Variants in EXOC4 observed in about 807,000 individuals in gnomAD.
EXOC4 encodes SEC8-like 1.
Under a neutral mutation model 107.2 loss-of-function variants are expected in EXOC4, and 71 were observed. The ratio of observed to expected loss-of-function variants is 0.66; its 90% CI spans 0.55 to 0.81. The LOEUF is 0.81. EXOC4 is among the 30% of genes least tolerant of loss of function. EXOC4 has a pLI of 0.00. For synonymous variants in EXOC4, 456 were observed against 441.2 expected (o/e 1.03, Z -0.42); for missense variants, 1,108 against 1,189.6 (o/e 0.93, Z 1.01).
intron 2 of EXOC4, among the ~76,000 whole-genome samples, chr7:133,278,975 C>G (rs897476537): frequency 6.6e-6 from 1 of 151,840 alleles, no homozygotes; most frequent in Non-Finnish European, 1.5e-5. Context: ...CCCACTCCCC[C>G]CACCCCACAA....
chr7:134,007,658 A>G lies in EXOC4; in HGVS notation c.2528-18A>G. On this transcript the variant is annotated intron_variant, in intron 16 of 17. Transcript: ENST00000253861. ...CTGTCATCCGTTTTCTTTGCCCCGC[A>G]CTGTGCTGACCCCTCAGGCCTGGGC... The G allele has an allele frequency of 1.3e-6, 2 of 1,596,212 alleles. No homozygotes were observed. The highest frequency in any genetic ancestry group is 1.7e-6 in the Non-Finnish European group (2 of 1,171,928).
rs181572579 is a variant in EXOC4 at position 133,434,204 on chromosome 7, C to T, written c.1183-41124C>T. Among the ~76,000 whole-genome samples the T allele has an allele frequency of 3.3e-3, 499 of 152,176 alleles. 1 individual carries two copies. Among genetic ancestry groups the T allele is most frequent in the Middle Eastern group, 6.8e-3 (2 of 294 alleles). On this transcript the variant is annotated intron_variant, in intron 7 of 17. Coordinates refer to ENST00000253861, the MANE Select transcript of EXOC4 (RefSeq NM_021807.4). ...GAGACTGGAGGCTGTGTGCATGAGA[C>T]CTCCCTAAAGCAGAGGTTTCAGAAA...
intron 11 of EXOC4, among the ~76,000 whole-genome samples, chr7:133,829,172 G>A (rs915466853): frequency 7.9e-5 from 12 of 152,204 alleles, no homozygotes; most frequent in Admixed American, 3.9e-4. Flanking sequence ...TCTTGAGACA[G>A]TGAGAGTCTA....
chr7:133,896,570 A>T (rs1799313713), intron 12 of EXOC4, among the ~76,000 whole-genome samples: 1 of 152,032 alleles, frequency 6.6e-6, no homozygotes, highest in Admixed American at 6.6e-5. Flanking sequence ...TGCTGGACTC[A>T]TGAAATTTAC....
chr7:133,703,272 C>G (rs1657710581), intron 10 of EXOC4, among the ~76,000 whole-genome samples: 1 of 152,214 alleles, frequency 6.6e-6, no homozygotes, highest in Non-Finnish European at 1.5e-5. Context: ...TTTTGAATAT[C>G]TTCCACAACC....
intron 10 of EXOC4, among the ~76,000 whole-genome samples, chr7:133,814,698 C>G (rs1053543897): frequency 6.6e-6 from 1 of 152,126 alleles, no homozygotes; most frequent in African/African-American, 2.4e-5. Context: ...TGTTTTCAAA[C>G]TTTTGGAACT....
At chr7:133,465,915 C>T (rs1047024077) in intron 7 of EXOC4, among the ~76,000 whole-genome samples, 1 of 152,056 alleles carries the variant, frequency 6.6e-6, no homozygotes, top group African/African-American at 2.4e-5. Context: ...GTGGGTGGAT[C>T]ACCAGAGGTC....
At chr7:133,356,608 C>G in intron 6 of EXOC4, 35 bp downstream of exon 6, 2 of 1,608,370 alleles carry the variant, frequency 1.2e-6, no homozygotes, top group Non-Finnish European at 1.7e-6. Context: ...TTTGACAACT[C>G]TATTTATTGC....
At chr7:133,582,732 A>G (rs1271921151) in intron 9 of EXOC4, among the ~76,000 whole-genome samples, 4 of 152,224 alleles carry the variant, frequency 2.6e-5, no homozygotes, top group Non-Finnish European at 5.9e-5. Flanking sequence ...AAAATTAAGA[A>G]AAAGACATTT....
At chr7:133,391,298 C>G (rs1376227828) in intron 7 of EXOC4, among the ~76,000 whole-genome samples, 1 of 152,186 alleles carries the variant, frequency 6.6e-6, no homozygotes, top group Admixed American at 6.5e-5. Flanking sequence ...AAGCTCAGCA[C>G]GAATTAGCCA....
chr7:133,485,544 C>T (rs943139553), intron 9 of EXOC4, among the ~76,000 whole-genome samples: 19 of 152,096 alleles, frequency 1.2e-4, no homozygotes, highest in East Asian at 1.9e-4. Context: ...TCTAGCATCC[C>T]GTCTCCCTAC....
rs1339131281 is a variant in EXOC4 at position 133,260,365 on chromosome 7, C to T, written c.86+7178C>T. Among the ~76,000 whole-genome samples the T allele has an allele frequency of 2.6e-5, 4 of 151,986 alleles. No homozygotes were observed. The East Asian group carries it at 7.7e-4, about 29-fold the overall frequency. ...CTTGGCTCACTGCAACCTCTGACTC[C>T]CGGGTTCAAACAATTCTCCTGCTTC... is the stretch of plus-strand genomic sequence containing the variant. On this transcript the variant is annotated intron_variant, in intron 1 of 17. Coordinates refer to ENST00000253861, the MANE Select transcript of EXOC4 (RefSeq NM_021807.4).
At chr7:133,908,382 C>T (rs116104272) in intron 12 of EXOC4, among the ~76,000 whole-genome samples, 61 of 152,328 alleles carry the variant, frequency 4.0e-4, no homozygotes, top group African/African-American at 1.4e-3. Flanking sequence ...TGGTAGTGCA[C>T]ATGTGAAAAG....
chr7:133,318,385 A>T (rs1345791934), intron 5 of EXOC4, among the ~76,000 whole-genome samples: 1 of 152,032 alleles, frequency 6.6e-6, no homozygotes, highest in Non-Finnish European at 1.5e-5. Context: ...GGGCTTGGAG[A>T]GCTTCTGGGC....
intron 10 of EXOC4, among the ~76,000 whole-genome samples, chr7:133,765,915 GCTCATGTAAAATCAGT>G (rs907156898): frequency 3.9e-5 from 6 of 152,070 alleles, no homozygotes; most frequent in African/African-American, 1.4e-4. Context: ...ACTACTAGGA[GCTCATGTAAAATCAGT>G]CTTTTAAAAA....
At chr7:133,951,994 A>G (rs1055663579) in intron 14 of EXOC4, among the ~76,000 whole-genome samples, 5 of 152,112 alleles carry the variant, frequency 3.3e-5, no homozygotes, top group African/African-American at 1.2e-4. Flanking sequence ...CATCTCTACT[A>G]AAAATACAAA....
At chr7:133,273,104 G>C (rs1447026575) in intron 1 of EXOC4, among the ~76,000 whole-genome samples, 1 of 151,998 alleles carries the variant, frequency 6.6e-6, no homozygotes, top group African/African-American at 2.4e-5. Context: ...CTTACCTTTG[G>C]GACAGTTGAT....
At position 133,674,163 on chromosome 7, in the gene EXOC4, G is replaced by A. The variant is rs536017146; in HGVS notation, c.1514+44022G>A. Among the ~76,000 whole-genome samples, 3 of 152,280 alleles carry A rather than the reference G, an allele frequency of 2.0e-5. No individual in the cohort carries two copies. The East Asian group carries it at 5.8e-4, about 29-fold the overall frequency. The stretch of plus-strand genomic sequence containing the variant: ...GGAATGGGGAAAGAAAATCCCAAAG[G>A]ATTGATGGCTAGAAAGTAGTTTATA... On this transcript the variant is annotated intron_variant, in intron 10 of 17. Transcript: ENST00000253861.
rs182770380 is a variant in EXOC4, at chr7:133,375,522, A to G, written c.1182+520A>G. Reference sequence around the variant, plus strand: ...TTCTTTTTTTTTTGGCAGACTTTAAAAATAGAAGCATATTCTCAATATGTA... The same window carrying G: ...TTCTTTTTTTTTTGGCAGACTTTAAGAATAGAAGCATATTCTCAATATGTA... On this transcript the variant is annotated intron_variant, in intron 7 of 17. Coordinates refer to ENST00000253861, the MANE Select transcript of EXOC4 (RefSeq NM_021807.4). Among the ~76,000 whole-genome samples the G allele has an allele frequency of 3.9e-5, 6 of 152,228 alleles. No individual in the cohort carries two copies. In the East Asian group the frequency reaches 9.6e-4, roughly 24 times the overall value.
Sources: gnomAD v4.1 joint callset for allele counts (sites outside exome capture counted in the v4.1 genomes callset) on GRCh38, gnomAD v4.1.1 for gene constraint, MANE v1.5 for transcripts, NCBI Gene and HGNC (gene_info 2026-07-23, HGNC 2026-07-21) for gene names.